Variants in SOX6 observed in about 807,000 individuals in gnomAD.
SOX6 encodes transcription factor SOX-6.
SOX6 carries 11 observed loss-of-function variants against 97.8 expected under a neutral mutation model. The observed-to-expected ratio is 0.11, with a 90% CI of 0.07 to 0.19. The LOEUF (loss-of-function observed/expected upper bound fraction) is 0.19, where lower values mean the gene tolerates loss of function less well. Among genes scored for constraint, SOX6 ranks in the 10% least tolerant of loss-of-function variants. The pLI is 1.00. For synonymous variants in SOX6, 360 were observed against 371.4 expected (o/e 0.97, Z 0.35); for missense variants, 810 against 1,039.5 (o/e 0.78, Z 3.04).
intron 1 of SOX6, among the ~76,000 whole-genome samples, chr11:16,409,548 C>T (rs1858755079): frequency 6.6e-6 from 1 of 152,072 alleles, no homozygotes; most frequent in Admixed American, 6.6e-5. Context: ...GAGAAAATCA[C>T]TGACTAATCA....
At chr11:16,145,591 T>C (rs1210726156) in intron 6 of SOX6, among the ~76,000 whole-genome samples, 1 of 152,178 alleles carries the variant, frequency 6.6e-6, no homozygotes, top group Non-Finnish European at 1.5e-5. Context: ...TGATTGTATA[T>C]TTAGAAAACC....
At chr11:16,461,968 G>A (rs759985758) in intron 1 of SOX6, among the ~76,000 whole-genome samples, 6 of 152,146 alleles carry the variant, frequency 3.9e-5, no homozygotes, top group South Asian at 4.1e-4. Context: ...ATACATTTGC[G>A]TTTGTTTCCA....
chr11:16,713,845 C>T (rs1263503457), intron 3 of SOX6, among the ~76,000 whole-genome samples: 1 of 152,218 alleles, frequency 6.6e-6, no homozygotes. Flanking sequence ...TCTCAAGTTG[C>T]TCCTGTCACT....
intron 4 of SOX6, among the ~76,000 whole-genome samples, chr11:16,511,637 G>T (rs1590228364): frequency 6.6e-6 from 1 of 151,982 alleles, no homozygotes; most frequent in Non-Finnish European, 1.5e-5. Flanking sequence ...TTCCCTATTT[G>T]GTTGTCTGCA....
intron 1 of SOX6, among the ~76,000 whole-genome samples, chr11:16,367,566 G>C (rs1286120357): frequency 6.6e-6 from 1 of 152,304 alleles, no homozygotes; most frequent in African/African-American, 2.4e-5. Flanking sequence ...AAGGAAGAAA[G>C]AGAATAGCCC....
rs1565180729 is a variant in SOX6 at position 16,560,598 on chromosome 11, C to CAT, written n.609+51481_609+51482dup. Among the ~76,000 whole-genome samples, 620 of 111,900 alleles carry CAT rather than the reference C, an allele frequency of 5.5e-3. 94 individuals are homozygous for CAT. The highest frequency in any genetic ancestry group is 0.019 in the African/African-American group (595 of 31,836). 73.4% of individuals were successfully genotyped at this position (111,900 alleles called of 152,430 possible). ...ATACGTACATATATGTTTATACGTACATGTATGTTTATACGTACATATATG... is the reference window on the plus strand; with the variant it reads ...ATACGTACATATATGTTTATACGTACATATGTATGTTTATACGTACATATATG... On this transcript the variant is annotated intron_variant and non_coding_transcript_variant, in intron 4 of 5. Transcript: ENST00000524520.
At chr11:16,727,650 C>A (rs964215840) in intron 2 of SOX6, among the ~76,000 whole-genome samples, 1 of 151,606 alleles carries the variant, frequency 6.6e-6, no homozygotes, top group Non-Finnish European at 1.5e-5. Context: ...CTTGGCCAGG[C>A]TGGTCTCGAA....
chr11:16,443,463 G>A (rs1487691174), intron 1 of SOX6, among the ~76,000 whole-genome samples: 1 of 152,112 alleles, frequency 6.6e-6, no homozygotes, highest in Non-Finnish European at 1.5e-5. Flanking sequence ...AGCACCTGTT[G>A]TAAACCAACC....
intron 4 of SOX6, among the ~76,000 whole-genome samples, chr11:16,509,998 T>A (rs1479361118): frequency 6.6e-6 from 1 of 152,110 alleles, no homozygotes; most frequent in Admixed American, 6.6e-5. Flanking sequence ...TTCATTTCAG[T>A]TAATCTTATA....
chr11:16,283,993 G>T, intron 3 of SOX6: 1 of 341,970 alleles, frequency 2.9e-6, no homozygotes, highest in Non-Finnish European at 5.6e-6. Context: ...TAAATAATGT[G>T]TTTACACTAT....
intron 6 of SOX6, among the ~76,000 whole-genome samples, chr11:16,180,610 C>T (rs538915333): frequency 4.6e-5 from 7 of 151,480 alleles, no homozygotes; most frequent in Non-Finnish European, 5.9e-5. Context: ...AAACATTCTC[C>T]GAAAAGACCT....
chr11:16,678,824 C>G (rs768712203), intron 3 of SOX6, among the ~76,000 whole-genome samples: 3 of 152,216 alleles, frequency 2.0e-5, no homozygotes, highest in Non-Finnish European at 2.9e-5. Context: ...CGGTGGGTCC[C>G]ACACCCACAG....
intron 4 of SOX6, among the ~76,000 whole-genome samples, chr11:16,525,700 A>G (rs1443918305): frequency 6.6e-6 from 1 of 151,970 alleles, no homozygotes; most frequent in African/African-American, 2.4e-5. Context: ...CAGGCAACCT[A>G]CAAAATGGGA....
chr11:16,320,220 T>C (rs1191850999), intron 2 of SOX6, among the ~76,000 whole-genome samples: 1 of 152,256 alleles, frequency 6.6e-6, no homozygotes, highest in East Asian at 1.9e-4. Context: ...TCAGCCAGTC[T>C]TTTAATCACC....
chr11:16,174,503 G>A (rs1003016432), intron 6 of SOX6, among the ~76,000 whole-genome samples: 1 of 151,862 alleles, frequency 6.6e-6, no homozygotes, highest in Non-Finnish European at 1.5e-5. Flanking sequence ...TGAGTGGGAA[G>A]TTACTATATG....
intron 3 of SOX6, among the ~76,000 whole-genome samples, chr11:16,239,530 C>T (rs922999113): frequency 6.6e-6 from 1 of 152,072 alleles, no homozygotes; most frequent in African/African-American, 2.4e-5. Flanking sequence ...CTGCAAGTAA[C>T]ACCATGAGTT....
intron 1 of SOX6, among the ~76,000 whole-genome samples, chr11:16,342,433 T>C (rs969516785): frequency 6.6e-6 from 1 of 151,904 alleles, no homozygotes; most frequent in Non-Finnish European, 1.5e-5. Flanking sequence ...TACCATTTTT[T>C]AAAAAATGCA....
At chr11:16,225,117 T>G (rs1464569345) in intron 4 of SOX6, among the ~76,000 whole-genome samples, 1 of 152,104 alleles carries the variant, frequency 6.6e-6, no homozygotes, top group Non-Finnish European at 1.5e-5. Flanking sequence ...CAATATAGCA[T>G]TTGTTTAATT....
intron 2 of SOX6, among the ~76,000 whole-genome samples, chr11:16,735,370 T>C (rs991236087): frequency 6.6e-6 from 1 of 152,182 alleles, no homozygotes; most frequent in African/African-American, 2.4e-5. Flanking sequence ...GCTCAAAAAC[T>C]TTTGGGAAAT....
Sources: gnomAD v4.1 joint callset for allele counts (sites outside exome capture counted in the v4.1 genomes callset) on GRCh38, gnomAD v4.1.1 for gene constraint, MANE v1.5 for transcripts, NCBI Gene and HGNC (gene_info 2026-07-23, HGNC 2026-07-21) for gene names.